LCMT1: variants seen among roughly 807,000 people sequenced by gnomAD.
LCMT1 encodes the protein leucine carboxyl methyltransferase 1, also known as [Phosphatase 2A protein]-leucine-carboxy methyltransferase 1.
Under a neutral mutation model 47.7 loss-of-function variants are expected in LCMT1, and 32 were observed. That is an observed-to-expected ratio of 0.67 (90% CI 0.51 to 0.90). The LOEUF (loss-of-function observed/expected upper bound fraction) is 0.90. LCMT1 is among the 40% of genes least tolerant of loss of function. The pLI is 0.00. For missense variants in LCMT1, 375 were observed against 415.2 expected (o/e 0.90, Z 0.84); for synonymous variants, 152 against 149.7 (o/e 1.02, Z -0.11).
chr16:25,140,577 CTTG>C (rs1960655464), intron 4 of LCMT1: 1 of 285,160 alleles, frequency 3.5e-6, no homozygotes, highest in Admixed American at 4.6e-5. Context: ...CAAGGACTGT[CTTG>C]TTGGCTCCCT....
intron 3 of LCMT1, among the ~76,000 whole-genome samples, chr16:25,139,812 G>A (rs954407623): frequency 6.6e-6 from 1 of 152,046 alleles, no homozygotes; most frequent in African/African-American, 2.4e-5. Context: ...GATTACAGTC[G>A]TGAGCCACTG....
chr16:25,120,108 C>A (rs1375287046), intron 1 of LCMT1, among the ~76,000 whole-genome samples: 1 of 150,866 alleles, frequency 6.6e-6, no homozygotes, highest in Non-Finnish European at 1.5e-5. Context: ...TGCAGTGAGC[C>A]AAGATCACAC....
At chr16:25,137,546 G>A (rs944468238) in intron 3 of LCMT1, among the ~76,000 whole-genome samples, 3 of 152,016 alleles carry the variant, frequency 2.0e-5, no homozygotes, top group Non-Finnish European at 2.9e-5. Flanking sequence ...CCAGGCTCAA[G>A]CCATCTTCCT....
intron 3 of LCMT1, among the ~76,000 whole-genome samples, chr16:25,134,327 A>G (rs1305488407): frequency 6.6e-6 from 1 of 152,224 alleles, no homozygotes; most frequent in Non-Finnish European, 1.5e-5. Flanking sequence ...TCTTCTCAAG[A>G]TATAATCACT....
chr16:25,151,735 T>C, intron 5 of LCMT1, 120 bp downstream of exon 5: 2 of 641,682 alleles, frequency 3.1e-6, no homozygotes, highest in Non-Finnish European at 2.7e-6. Context: ...TGTTATACAA[T>C]GTATTGTCAA....
chr16:25,152,172 T>G (rs1180094226), intron 5 of LCMT1, among the ~76,000 whole-genome samples: 1 of 152,128 alleles, frequency 6.6e-6, no homozygotes, highest in Non-Finnish European at 1.5e-5. Context: ...CAGGAAGGAA[T>G]GCTGGTTGAC....
At chr16:25,112,704 G>C (rs1464656563) in intron 1 of LCMT1, among the ~76,000 whole-genome samples, 2 of 152,176 alleles carry the variant, frequency 1.3e-5, no homozygotes, top group African/African-American at 2.4e-5. Flanking sequence ...CATGGTGTCA[G>C]ACATACTGGA....
intron 9 of LCMT1, among the ~76,000 whole-genome samples, chr16:25,171,616 G>A (rs1321917995): frequency 6.6e-6 from 1 of 152,156 alleles, no homozygotes; most frequent in African/African-American, 2.4e-5. Context: ...CTTGGCAGTG[G>A]AAATTTTACA....
chr16:25,112,302 A>G lies in LCMT1; in HGVS notation c.113+306A>G, dbSNP rs1386288847. On this transcript the variant is annotated intron_variant, in intron 1 of 10. Coordinates refer to ENST00000399069, the MANE Select transcript of LCMT1 (RefSeq NM_016309.3). Reference sequence around the variant, plus strand: ...AACGCTGCTGGAAAGACAGACATGAAGCAAATAGTAGCTCCAGCCTCGATG... The same window carrying G: ...AACGCTGCTGGAAAGACAGACATGAGGCAAATAGTAGCTCCAGCCTCGATG... Among the ~76,000 whole-genome samples the G allele has an allele frequency of 2.6e-4, 39 of 152,210 alleles. 1 individual carries two copies. The highest frequency in any genetic ancestry group is 2.6e-3 in the Admixed American group (39 of 15,276).
chr16:25,162,345 T>C (rs751055451), intron 6 of LCMT1, among the ~76,000 whole-genome samples: 6 of 151,762 alleles, frequency 4.0e-5, no homozygotes, highest in Admixed American at 6.6e-5. Flanking sequence ...TCTCAGCACT[T>C]TGGGAGGCCG....
intron 9 of LCMT1, among the ~76,000 whole-genome samples, chr16:25,173,902 G>A (rs917361036): frequency 6.6e-6 from 1 of 151,946 alleles, no homozygotes; most frequent in African/African-American, 2.4e-5. Context: ...CTCTGTGTGT[G>A]TATATAGTTA....
intron 4 of LCMT1, chr16:25,148,022 C>T (rs1026614674): frequency 6.6e-6 from 1 of 152,258 alleles, no homozygotes; most frequent in African/African-American, 2.4e-5. Context: ...GCCCCTGTGT[C>T]TGCTTGTCTT....
chr16:25,140,584 G>A (rs942368782), intron 4 of LCMT1: 2 of 267,242 alleles, frequency 7.5e-6, no homozygotes, highest in Admixed American at 4.8e-5. Flanking sequence ...TGTCTTGTTG[G>A]CTCCCTGAAG....
intron 1 of LCMT1, among the ~76,000 whole-genome samples, chr16:25,115,504 T>C (rs138746645): frequency 7.0e-4 from 106 of 152,312 alleles, no homozygotes; most frequent in African/African-American, 2.5e-3. Flanking sequence ...CCTAGTTTGT[T>C]TCTCAGATCA....
In LCMT1 at chr16:25,140,264, CAGA is replaced by C; in HGVS notation, c.404+22_404+24del. The C allele has an allele frequency of 6.4e-7, 1 of 1,565,424 alleles. No individual in the cohort carries two copies. The highest frequency in any genetic ancestry group is 8.7e-7 in the Non-Finnish European group (1 of 1,147,312). The stretch of plus-strand genomic sequence containing the variant: ...CAGTATCAAGTAAGTGTGGCATGGC[CAGA>C]AGAACAAAAGCCAGCGAGAATTCAG... On this transcript the variant is annotated intron_variant, in intron 4 of 10. Coordinates refer to ENST00000399069, the MANE Select transcript of LCMT1 (RefSeq NM_016309.3).
intron 1 of LCMT1, among the ~76,000 whole-genome samples, chr16:25,112,763 T>C (rs1433676228): frequency 1.3e-5 from 2 of 152,160 alleles, no homozygotes; most frequent in Non-Finnish European, 2.9e-5. Flanking sequence ...TAATTACCTA[T>C]GAAATATATA....
At chr16:25,141,931 C>T in intron 4 of LCMT1, 1 of 152,238 alleles carries the variant, frequency 6.6e-6, no homozygotes, top group East Asian at 1.9e-4. Flanking sequence ...TATTCCAACT[C>T]CTGCCAAAAT....
At position 25,172,025 on chromosome 16, in the gene LCMT1, G is replaced by A. The variant is rs140539584; in HGVS notation, c.884+1220G>A. On this transcript the variant is annotated intron_variant, in intron 9 of 10. Transcript: ENST00000399069. ...CATATCCCATTTAAGGGTACATAGG[G>A]CCAGGTGCGGTGGCTCACACCTGTA... is the stretch of plus-strand genomic sequence containing the variant. 7.2e-5 allele frequency among the ~76,000 whole-genome samples: 11 copies of A among 152,188 alleles called. No individual in the cohort carries two copies. In the East Asian group the frequency reaches 1.9e-3, roughly 27 times the overall value.
chr16:25,136,210 A>G (rs1266527430), intron 3 of LCMT1, among the ~76,000 whole-genome samples: 1 of 151,372 alleles, frequency 6.6e-6, no homozygotes, highest in Non-Finnish European at 1.5e-5. Flanking sequence ...CCTACAGCCT[A>G]CTTTTCTCCA....
Sources: allele counts gnomAD v4.1 joint callset (sites outside exome capture counted in the v4.1 genomes callset), GRCh38; gene constraint gnomAD v4.1.1; transcripts MANE v1.5; gene names NCBI Gene and HGNC (gene_info 2026-07-23, HGNC 2026-07-21).